Variants in LNPEP observed in about 807,000 individuals in gnomAD.
LNPEP encodes the protein leucyl and cystinyl aminopeptidase.
A neutral mutation model predicts 120.6 loss-of-function variants in LNPEP; 64 were observed. The observed-to-expected ratio is 0.53, with a 90% CI of 0.43 to 0.65. The LOEUF is 0.65. Ranked by LOEUF, LNPEP falls within the 30% of genes least tolerant of loss-of-function variation. LNPEP has a pLI of 0.00. For missense variants in LNPEP, 1,057 were observed against 1,200.0 expected, an observed-to-expected ratio of 0.88 and a Z score of 1.76; for synonymous variants, 435 against 425.4, an observed-to-expected ratio of 1.02 and a Z score of -0.28.
chr5:96,989,595 G>A (rs1450267100), intron 4 of LNPEP, among the ~76,000 whole-genome samples: 1 of 151,386 alleles, frequency 6.6e-6, no homozygotes, highest in Non-Finnish European at 1.5e-5. Context: ...AAAAGTTTCA[G>A]GTTGTAAGTT....
intron 1 of LNPEP, among the ~76,000 whole-genome samples, chr5:96,970,451 G>A (rs575832434): frequency 6.6e-6 from 1 of 152,108 alleles, no homozygotes; most frequent in African/African-American, 2.4e-5. Context: ...TACAGACAGT[G>A]TATATAGTTG....
intron 1 of LNPEP, among the ~76,000 whole-genome samples, chr5:96,962,974 T>C (rs1403060412): frequency 6.6e-6 from 1 of 152,140 alleles, no homozygotes; most frequent in Admixed American, 6.6e-5. Context: ...ACAAGGCCTT[T>C]GGGCTTAAGA....
chr5:96,973,787 T>G (rs974677507), intron 1 of LNPEP, among the ~76,000 whole-genome samples: 73 of 152,296 alleles, frequency 4.8e-4, no homozygotes, highest in African/African-American at 1.7e-3. Flanking sequence ...TGATGGCAGC[T>G]TAAAGCTTTA....
chr5:96,950,217 G>A (rs775118813), intron 1 of LNPEP, among the ~76,000 whole-genome samples: 12 of 152,152 alleles, frequency 7.9e-5, no homozygotes, highest in Non-Finnish European at 1.6e-4. Context: ...CAACATTAAA[G>A]AGTGAACCAA....
intron 11 of LNPEP, among the ~76,000 whole-genome samples, chr5:97,008,322 TG>T (rs1790835189): frequency 6.7e-6 from 1 of 149,200 alleles, no homozygotes; most frequent in African/African-American, 2.5e-5. Context: ...TTGATTTTTT[TG>T]TTTGTTTTTT....
In LNPEP at chr5:97,031,329, C is replaced by T. The variant is rs1166550481; in HGVS notation, c.*2796C>T. ...ATTAAACTGCAAGTAGTATCAGCTTCACCATAAGCTTGGGCCTTCCTCCAT... is the reference window on the plus strand; with the variant it reads ...ATTAAACTGCAAGTAGTATCAGCTTTACCATAAGCTTGGGCCTTCCTCCAT... On this transcript the variant is annotated 3_prime_UTR_variant, in exon 18 of 18. Transcript: ENST00000231368. The T allele has an allele frequency of 2.0e-5, 3 of 152,242 alleles. No individual in the cohort carries two copies. In the East Asian group the frequency reaches 5.8e-4, roughly 29 times the overall value. 9.4% of individuals were successfully genotyped at this position (152,242 alleles called of 1,614,324 possible).
chr5:96,951,948 C>G (rs879288622), intron 1 of LNPEP, among the ~76,000 whole-genome samples: 1 of 152,048 alleles, frequency 6.6e-6, no homozygotes, highest in Non-Finnish European at 1.5e-5. Flanking sequence ...AGTTTATCTT[C>G]GAAGGCAGAG....
At chr5:97,027,674 G>T in intron 16 of LNPEP, 59 bp from the exon 17 acceptor site, 1 of 1,096,286 alleles carries the variant, frequency 9.1e-7, no homozygotes, top group African/African-American at 1.5e-5. Context: ...TTGCACTCAG[G>T]AACAACGCTT....
At chr5:96,954,754 A>G (rs1789412143) in intron 1 of LNPEP, among the ~76,000 whole-genome samples, 9 of 37,116 alleles carry the variant, frequency 2.4e-4, no homozygotes, top group South Asian at 1.9e-3. Context: ...ATACACATAT[A>G]TATATATATA....
chr5:96,942,092 A>ACT (rs1186761088), intron 1 of LNPEP, among the ~76,000 whole-genome samples: 1 of 152,188 alleles, frequency 6.6e-6, no homozygotes, highest in African/African-American at 2.4e-5. Context: ...GAGCCTTGCC[A>ACT]AGAGATAGAA....
At position 97,028,491 on chromosome 5, in the gene LNPEP, G is replaced by C; in HGVS notation, c.3036G>C (p.Gln1012His). ...EALEVIQLNI[Q>H]WMEKNLKSLT... ...TGGAAGTCATTCAGTTGAATATCCAGTGGATGGAGAAGAACCTCAAAAGTC... is the reference window on the plus strand; with the variant it reads ...TGGAAGTCATTCAGTTGAATATCCACTGGATGGAGAAGAACCTCAAAAGTC... Residue 1012 changes from glutamine (Q) to histidine (H), a missense_variant, in exon 18 of 18, where the codon CAG becomes CAC. Physicochemically the swap from Gln to His is conservative, Grantham distance 24. Coordinates refer to ENST00000231368, the MANE Select transcript of LNPEP (RefSeq NM_005575.3). 2 of 1,613,998 alleles carry C rather than the reference G, an allele frequency of 1.2e-6. No homozygotes were observed. Among genetic ancestry groups the C allele is most frequent in the Non-Finnish European group, 1.7e-6 (2 of 1,179,862 alleles).
At chr5:96,977,888 A>G (rs1396209910) in intron 1 of LNPEP, among the ~76,000 whole-genome samples, 1 of 152,186 alleles carries the variant, frequency 6.6e-6, no homozygotes, top group Admixed American at 6.5e-5. Context: ...GAGGGATGCA[A>G]TATAATGAAA....
chr5:96,936,469 G>T, intron 1 of LNPEP: 1 of 326,138 alleles, frequency 3.1e-6, no homozygotes, highest in Non-Finnish European at 5.6e-6. Flanking sequence ...GGAGTGGGCA[G>T]TGGGAAAGTT....
chr5:97,006,570 C>A, intron 11 of LNPEP, 55 bp downstream of exon 11: 2 of 933,534 alleles, frequency 2.1e-6, no homozygotes, highest in Non-Finnish European at 3.5e-6. Context: ...AAAATCTGAT[C>A]AGAGTGCATA....
intron 12 of LNPEP, 123 bp from the exon 13 acceptor site, chr5:97,014,816 A>G: frequency 3.9e-6 from 2 of 509,678 alleles, no homozygotes; most frequent in Non-Finnish European, 3.3e-6. Flanking sequence ...ACAAAATGCC[A>G]CTGTAAGTTT....
At chr5:96,959,189 A>G (rs907724090) in intron 1 of LNPEP, among the ~76,000 whole-genome samples, 2 of 152,042 alleles carry the variant, frequency 1.3e-5, no homozygotes, top group East Asian at 1.9e-4. Context: ...GGACATGGAC[A>G]TTTTGGGGGC....
intron 1 of LNPEP, chr5:96,958,406 G>A (rs570077901): frequency 1.7e-5 from 14 of 846,984 alleles, no homozygotes; most frequent in Non-Finnish European, 1.8e-5. Flanking sequence ...TTACCTAATA[G>A]CTATACCAAG....
intron 17 of LNPEP, among the ~76,000 whole-genome samples, 172 bp downstream of exon 17, chr5:97,027,986 A>G (rs1157614192): frequency 6.6e-6 from 1 of 152,174 alleles, no homozygotes; most frequent in East Asian, 1.9e-4. Flanking sequence ...AGGGTGGCAT[A>G]TATGATAATG....
At chr5:96,998,172 G>A (rs1790559685) in intron 8 of LNPEP, 27 bp downstream of exon 8, 2 of 1,553,268 alleles carry the variant, frequency 1.3e-6, no homozygotes, top group East Asian at 2.3e-5. Flanking sequence ...AAAGGTAGCT[G>A]GAGTGGGTTT....
Sources: allele counts gnomAD v4.1 joint callset (sites outside exome capture counted in the v4.1 genomes callset), GRCh38; gene constraint gnomAD v4.1.1; transcripts MANE v1.5; gene names NCBI Gene and HGNC (gene_info 2026-07-23, HGNC 2026-07-21).